Variants in CHST9 observed in about 807,000 individuals in gnomAD.
CHST9 encodes the protein GalNAc-4-sulfotransferase 2.
CHST9 carries 41 observed loss-of-function variants against 44.4 expected under a neutral mutation model. The ratio of observed to expected loss-of-function variants is 0.92; its 90% confidence interval spans 0.72 to 1.20. The LOEUF (loss-of-function observed/expected upper bound fraction) is 1.20, where lower values mean the gene tolerates loss of function less well. Ranked by LOEUF, CHST9 falls within the 50% of genes most tolerant of loss-of-function variation. The probability of loss-of-function intolerance (pLI) is 0.00; values close to 1 mark genes in which losing one functional copy is unlikely to be tolerated. For synonymous variants in CHST9, 171 were observed against 178.4 expected (o/e 0.96, Z 0.33); for missense variants, 504 against 516.5 (o/e 0.98, Z 0.23).
At chr18:26,972,736 G>A (rs2056565789) in intron 4 of CHST9, among the ~76,000 whole-genome samples, 1 of 152,204 alleles carries the variant, frequency 6.6e-6, no homozygotes, top group Admixed American at 6.5e-5. Flanking sequence ...GGGGGCGGCG[G>A]CGAGCAAGAC....
intron 4 of CHST9, among the ~76,000 whole-genome samples, chr18:26,987,523 AT>A (rs1311162750): frequency 6.6e-6 from 1 of 152,216 alleles, no homozygotes; most frequent in Non-Finnish European, 1.5e-5. Flanking sequence ...AAAAATAATA[AT>A]AATGTATTGT....
At position 27,124,060 on chromosome 18, in the gene CHST9, C is replaced by T. The variant is rs114199648; in HGVS notation, c.121+18629G>A. ...ATTCTTTGAAGTTAATACAGTGATT[C>T]ATGCTGTAGTGCTACCCGCTGCACA... On this transcript the variant is annotated intron_variant, in intron 2 of 5. Transcript: ENST00000618847. Among the ~76,000 whole-genome samples the T allele has an allele frequency of 4.6e-3, 694 of 152,312 alleles. 4 individuals are homozygous for T. The highest frequency in any genetic ancestry group is 0.015 in the African/African-American group (616 of 41,572).
At chr18:27,115,816 T>TC (rs1307075244) in intron 2 of CHST9, among the ~76,000 whole-genome samples, 1 of 152,204 alleles carries the variant, frequency 6.6e-6, no homozygotes, top group East Asian at 1.9e-4. Context: ...TCCAGCCCTG[T>TC]CTTTTTTATT....
rs2055496739 is a variant in CHST9 at position 26,915,228 on chromosome 18, C to G, written c.*1031G>C. ...TTATGTTTATTCTCTAGAACATAACCTATCTTTGAAGTGGTATATTAGTTT... is the reference window on the plus strand; with the variant it reads ...TTATGTTTATTCTCTAGAACATAACGTATCTTTGAAGTGGTATATTAGTTT... On this transcript the variant is annotated 3_prime_UTR_variant, in exon 6 of 6. Coordinates refer to ENST00000618847, the MANE Select transcript of CHST9 (RefSeq NM_031422.6). 4 of 364,230 alleles carry G rather than the reference C, an allele frequency of 1.1e-5. No individual in the cohort carries two copies. Among genetic ancestry groups the G allele is most frequent in the Non-Finnish European group, 1.9e-5 (4 of 205,806 alleles). The allele number at this position is 364,230 out of a possible 1,614,324, so 22.6% of individuals were successfully genotyped here.
intron 5 of CHST9, among the ~76,000 whole-genome samples, chr18:26,924,205 C>A (rs980022459): frequency 1.3e-5 from 2 of 152,054 alleles, no homozygotes; most frequent in African/African-American, 4.8e-5. Flanking sequence ...GGAACTAAGA[C>A]AATGGGGTAA....
At chr18:26,942,785 G>A (rs2056103124) in intron 5 of CHST9, among the ~76,000 whole-genome samples, 1 of 152,206 alleles carries the variant, frequency 6.6e-6, no homozygotes, top group Admixed American at 6.5e-5. Flanking sequence ...CAAACCACTT[G>A]AGCACATACA....
chr18:27,166,662 CT>C (rs1302197251), intron 1 of CHST9, among the ~76,000 whole-genome samples: 7 of 152,208 alleles, frequency 4.6e-5, no homozygotes, highest in African/African-American at 1.4e-4. Context: ...AATAATGGTG[CT>C]TCATTAATCT....
At chr18:27,117,108 T>G (rs1598736117) in intron 2 of CHST9, among the ~76,000 whole-genome samples, 1 of 136,382 alleles carries the variant, frequency 7.3e-6, no homozygotes, top group Non-Finnish European at 1.6e-5. Flanking sequence ...CTAAAATGAC[T>G]GAAAAATAGA....
intron 2 of CHST9, among the ~76,000 whole-genome samples, chr18:27,053,276 G>GAAGGAGAAGGAC (rs2057606896): frequency 7.7e-6 from 1 of 130,000 alleles, no homozygotes; most frequent in African/African-American, 3.0e-5. Context: ...AGGAGAAGGA[G>GAAGGAGAAGGAC]AAGGAGAAGG....
At chr18:27,081,458 C>T (rs2057960229) in intron 2 of CHST9, among the ~76,000 whole-genome samples, 1 of 152,154 alleles carries the variant, frequency 6.6e-6, no homozygotes, top group Non-Finnish European at 1.5e-5. Context: ...AAAGTGCTCC[C>T]CTCTCTGAGC....
intron 2 of CHST9, among the ~76,000 whole-genome samples, chr18:27,107,846 G>C (rs1445534150): frequency 1.3e-5 from 2 of 152,186 alleles, no homozygotes; most frequent in Non-Finnish European, 2.9e-5. Context: ...TGGAGGATAA[G>C]AGTCTTGGTG....
At chr18:27,151,708 A>G (rs1409880430) in intron 1 of CHST9, among the ~76,000 whole-genome samples, 1 of 152,188 alleles carries the variant, frequency 6.6e-6, no homozygotes, top group East Asian at 1.9e-4. Context: ...TGGGGGATAA[A>G]GAAAGGGAAC....
intron 2 of CHST9, among the ~76,000 whole-genome samples, chr18:27,049,670 A>G (rs2057542999): frequency 6.6e-6 from 1 of 152,148 alleles, no homozygotes; most frequent in African/African-American, 2.4e-5. Context: ...CATCTACTGA[A>G]TAGTCCATCC....
chr18:27,079,216 G>A (rs552629308), intron 2 of CHST9, among the ~76,000 whole-genome samples: 17 of 152,252 alleles, frequency 1.1e-4, no homozygotes, highest in African/African-American at 3.4e-4. Flanking sequence ...GGAAGCTTGC[G>A]ATGCACATTA....
At chr18:26,974,979 C>A (rs568992126) in intron 4 of CHST9, among the ~76,000 whole-genome samples, 26 of 152,252 alleles carry the variant, frequency 1.7e-4, no homozygotes, top group African/African-American at 6.0e-4. Flanking sequence ...CCAGCCCAGG[C>A]GTACTTATTT....
At chr18:27,002,047 A>T (rs572246935) in intron 4 of CHST9, among the ~76,000 whole-genome samples, 4 of 144,970 alleles carry the variant, frequency 2.8e-5, no homozygotes, top group African/African-American at 5.0e-5. Flanking sequence ...TTGACAAAGT[A>T]AAAAAAAAAA....
chr18:26,921,333 AG>A (rs1380933953), intron 5 of CHST9, among the ~76,000 whole-genome samples: 1 of 152,216 alleles, frequency 6.6e-6, no homozygotes, highest in Non-Finnish European at 1.5e-5. Context: ...CATGAGGGAA[AG>A]GTTCACCACT....
chr18:27,120,970 T>C (rs955622061), intron 2 of CHST9, among the ~76,000 whole-genome samples: 8 of 152,168 alleles, frequency 5.3e-5, no homozygotes, highest in African/African-American at 1.9e-4. Context: ...TGTGGTTTCA[T>C]GGATATCAGC....
At chr18:27,173,242 C>T (rs1198208698) in intron 1 of CHST9, among the ~76,000 whole-genome samples, 1 of 151,966 alleles carries the variant, frequency 6.6e-6, no homozygotes, top group East Asian at 1.9e-4. Flanking sequence ...CTGTAAGTAT[C>T]TGCTTCTAAT....
Sources: allele counts gnomAD v4.1 joint callset (sites outside exome capture counted in the v4.1 genomes callset), GRCh38; gene constraint gnomAD v4.1.1; transcripts MANE v1.5; gene names NCBI Gene and HGNC (gene_info 2026-07-23, HGNC 2026-07-21).